Variants in LTBP1 observed in about 807,000 individuals in gnomAD.
The protein encoded by LTBP1 is latent transforming growth factor beta binding protein 1.
LTBP1 carries 129 observed loss-of-function variants against 207.6 expected under a neutral mutation model. That is an observed-to-expected ratio of 0.62 (90% CI 0.54 to 0.72). The LOEUF (loss-of-function observed/expected upper bound fraction) is 0.72. LTBP1 is among the 30% of genes least tolerant of loss of function. The pLI is 0.00. For missense variants in LTBP1, 2,281 were observed against 2,217.2 expected (o/e 1.03, Z -0.58); for synonymous variants, 963 against 833.7 (o/e 1.16, Z -2.67).
At chr2:33,207,194 A>T (rs1314033390) in intron 7 of LTBP1, among the ~76,000 whole-genome samples, 1 of 152,144 alleles carries the variant, frequency 6.6e-6, no homozygotes. Context: ...CATGCTTAAG[A>T]GGGTTTTTTT....
chr2:32,947,699 C>A lies in LTBP1; in HGVS notation c.375C>A (p.His125Gln). The change falls in exon 1 of 34, where the codon CAC becomes CAA. Residue 125 changes from histidine to glutamine, a missense_variant. Around this residue, in one of 3 missense-constraint regions of LTBP1, gnomAD observed 555 missense variants for 491.0 expected, o/e 1.13. Transcript: ENST00000404816. ...AGCTCCACCCCAATCCCGGCGGCCACCCGGCAGCCGCCCCGTTCACCAAAC... is the reference window on the plus strand; with the variant it reads ...AGCTCCACCCCAATCCCGGCGGCCAACCGGCAGCCGCCCCGTTCACCAAAC... ...GGQLHPNPGGHPAAAPFTKQG... is the reference protein window; with the variant it reads ...GGQLHPNPGGQPAAAPFTKQG... 1 of 1,520,218 alleles carries A rather than the reference C, an allele frequency of 6.6e-7. No homozygotes were observed. The highest frequency in any genetic ancestry group is 2.0e-5 in the Admixed American group (1 of 48,864). The allele number at this position is 1,520,218 out of a possible 1,614,324, so 94.2% of individuals were successfully genotyped here.
intron 3 of LTBP1, among the ~76,000 whole-genome samples, chr2:33,083,438 G>A (rs1254848661): frequency 6.6e-6 from 1 of 152,108 alleles, no homozygotes; most frequent in African/African-American, 2.4e-5. Context: ...CACTGGGAAG[G>A]TAACAGGAAG....
intron 3 of LTBP1, among the ~76,000 whole-genome samples, chr2:33,054,066 A>C (rs1572403964): frequency 6.6e-6 from 1 of 152,216 alleles, no homozygotes; most frequent in East Asian, 1.9e-4. Flanking sequence ...GTGCAGGACA[A>C]TACAGAAGAA....
At position 33,196,795 on chromosome 2, in the gene LTBP1, A is replaced by G. The variant is rs1302448677; in HGVS notation, c.1701+7944A>G. The stretch of plus-strand genomic sequence containing the variant: ...CCTTGATTAATATTAGGAAGGGTGT[A>G]CTCTTAATTATCAGTCAAGGAAGTC... On this transcript the variant is annotated intron_variant, in intron 7 of 33. Coordinates refer to ENST00000404816, the MANE Select transcript of LTBP1 (RefSeq NM_206943.4). Among the ~76,000 whole-genome samples, 5 of 152,174 alleles carry G rather than the reference A, an allele frequency of 3.3e-5. No individual in the cohort carries two copies. The East Asian group carries it at 9.6e-4, about 29-fold the overall frequency.
At chr2:33,205,621 C>T (rs890637876) in intron 7 of LTBP1, among the ~76,000 whole-genome samples, 1 of 152,120 alleles carries the variant, frequency 6.6e-6, no homozygotes, top group Non-Finnish European at 1.5e-5. Context: ...ACGAGAGGTT[C>T]TGCAAAGGAC....
chr2:33,278,062 G>C (rs1182807891), intron 18 of LTBP1, among the ~76,000 whole-genome samples: 3 of 151,368 alleles, frequency 2.0e-5, no homozygotes, highest in Non-Finnish European at 4.4e-5. Flanking sequence ...TCGATCTCCT[G>C]ACCTCGTGAT....
At position 32,947,628 on chromosome 2, in the gene LTBP1, C is replaced by CCGT; in HGVS notation, c.306_307insTCG (p.Pro102_Pro103insSer). On this transcript the variant is annotated inframe_insertion, in exon 1 of 34. Coordinates refer to ENST00000404816, the MANE Select transcript of LTBP1 (RefSeq NM_206943.4). ...GGCCCTGCAGGGGCTCAGACCGCCG[C>CCGT]CGCCGCCGCCGCCGGAGCCTGCGCG... The CCGT allele has an allele frequency of 1.5e-6, 2 of 1,338,600 alleles. No individual in the cohort carries two copies. Among genetic ancestry groups the CCGT allele is most frequent in the East Asian group, 3.2e-5 (1 of 31,358 alleles). 82.9% of individuals were successfully genotyped at this position (1,338,600 alleles called of 1,614,324 possible).
intron 3 of LTBP1, among the ~76,000 whole-genome samples, chr2:33,090,282 C>G (rs1412369160): frequency 1.3e-5 from 2 of 152,146 alleles, no homozygotes; most frequent in African/African-American, 4.8e-5. Flanking sequence ...TGAAAGTTGG[C>G]CCTTTTTCCT....
At chr2:33,240,880 G>C (rs953234159) in intron 9 of LTBP1, among the ~76,000 whole-genome samples, 1 of 151,982 alleles carries the variant, frequency 6.6e-6, no homozygotes, top group Admixed American at 6.6e-5. Context: ...TCGATCTCCT[G>C]ACTTCGTGAT....
chr2:33,120,948 T>C (rs2081073313), intron 4 of LTBP1, among the ~76,000 whole-genome samples: 1 of 152,206 alleles, frequency 6.6e-6, no homozygotes, highest in Non-Finnish European at 1.5e-5. Context: ...ATGCAGTTTC[T>C]TAATATTTAG....
chr2:33,389,523 C>A (rs1330955841), intron 32 of LTBP1, among the ~76,000 whole-genome samples: 1 of 152,110 alleles, frequency 6.6e-6, no homozygotes, highest in Non-Finnish European at 1.5e-5. Context: ...CATTCGTGAG[C>A]CGAGATCACA....
intron 3 of LTBP1, among the ~76,000 whole-genome samples, chr2:33,086,881 ATATT>A (rs141370823): frequency 0.021 from 3,212 of 151,760 alleles, 39 homozygotes; most frequent in East Asian, 0.046. Flanking sequence ...TTTTATTTAT[ATATT>A]TATTTATTTT....
intron 9 of LTBP1, among the ~76,000 whole-genome samples, chr2:33,225,666 G>A (rs1479764278): frequency 6.6e-6 from 1 of 152,140 alleles, no homozygotes; most frequent in Admixed American, 6.5e-5. Flanking sequence ...GATTTGGGTG[G>A]GGATACAGCC....
At chr2:33,327,577 A>C (rs575973946) in intron 24 of LTBP1, among the ~76,000 whole-genome samples, 2 of 152,350 alleles carry the variant, frequency 1.3e-5, no homozygotes, top group African/African-American at 2.4e-5. Context: ...TTTTAAAAAA[A>C]GTAGCTTGAC....
chr2:33,384,308 C>T (rs1558335600), intron 31 of LTBP1, among the ~76,000 whole-genome samples: 1 of 152,184 alleles, frequency 6.6e-6, no homozygotes, highest in African/African-American at 2.4e-5. Flanking sequence ...GACTACTTAG[C>T]GACGGCGTCC....
chr2:33,262,884 T>A, intron 14 of LTBP1, 63 bp downstream of exon 14: 1 of 1,236,572 alleles, frequency 8.1e-7, no homozygotes, highest in South Asian at 1.5e-5. Flanking sequence ...AGACGGGAAA[T>A]TTTTGTCTTT....
chr2:32,964,824 T>G (rs1679691858), intron 2 of LTBP1, among the ~76,000 whole-genome samples: 1 of 151,886 alleles, frequency 6.6e-6, no homozygotes, highest in Admixed American at 6.6e-5. Flanking sequence ...GGGCGGATCA[T>G]GAGGTCAAGA....
chr2:33,255,765 T>C (rs2092831993), intron 11 of LTBP1, among the ~76,000 whole-genome samples: 1 of 152,218 alleles, frequency 6.6e-6, no homozygotes, highest in South Asian at 2.1e-4. Context: ...TAAGCAGTAT[T>C]TTTAGAGTTT....
At chr2:33,059,473 C>T (rs963186152) in intron 3 of LTBP1, among the ~76,000 whole-genome samples, 1 of 152,074 alleles carries the variant, frequency 6.6e-6, no homozygotes, top group Non-Finnish European at 1.5e-5. Context: ...TTGGTTTAGG[C>T]TTGCCATGTC....
Sources: allele counts gnomAD v4.1 joint callset (sites outside exome capture counted in the v4.1 genomes callset), GRCh38; gene constraint gnomAD v4.1.1; regional missense constraint gnomAD v4.1.1; transcripts MANE v1.5; gene names NCBI Gene and HGNC (gene_info 2026-07-23, HGNC 2026-07-21).